Variants in CTNNA2 observed in about 807,000 individuals in gnomAD.
The protein encoded by CTNNA2 is catenin alpha-2.
A neutral mutation model predicts 101.0 loss-of-function variants in CTNNA2; 42 were observed. The ratio of observed to expected loss-of-function variants is 0.42; its 90% CI spans 0.32 to 0.54. CTNNA2 has a LOEUF of 0.54. CTNNA2 is among the 20% of genes least tolerant of loss of function. CTNNA2 has a pLI of 0.14. For missense variants in CTNNA2, 871 were observed against 1,223.1 expected (o/e 0.71, Z 4.29); for synonymous variants, 450 against 456.4 (o/e 0.99, Z 0.18).
In CTNNA2 at chr2:80,576,786, T is replaced by TAAAAAAAAAAAAAA. The variant is rs1558606620; in HGVS notation, c.1893+2472_1893+2473insAAAAAAAAAAAAAA. ...CAACATGGTGAAACCCTGTCTCTAC[T>TAAAAAAAAAAAAAA]GAAAAAAAAAAAAAAAAAAAAATAC... On this transcript the variant is annotated intron_variant, in intron 13 of 18. Transcript: ENST00000402739. Among the ~76,000 whole-genome samples, 22 of 112,092 alleles carry TAAAAAAAAAAAAAA rather than the reference T, an allele frequency of 2.0e-4. 1 individual carries two copies. The highest frequency in any genetic ancestry group is 2.5e-4 in the Non-Finnish European group (14 of 56,590). 73.5% of individuals were successfully genotyped at this position (112,092 alleles called of 152,430 possible).
intron 1 of CTNNA2, among the ~76,000 whole-genome samples, chr2:79,572,872 T>C (rs1015265643): frequency 1.1e-4 from 16 of 152,234 alleles, no homozygotes; most frequent in African/African-American, 2.9e-4. Flanking sequence ...TAATTTTAAA[T>C]TTCTTTTTTC....
chr2:80,122,382 A>T (rs1202486843), intron 7 of CTNNA2, among the ~76,000 whole-genome samples: 2 of 134,788 alleles, frequency 1.5e-5, no homozygotes, highest in Admixed American at 1.7e-4. Flanking sequence ...TCTCTCTCCC[A>T]GCCAGCCCCC....
intron 7 of CTNNA2, among the ~76,000 whole-genome samples, chr2:80,292,360 A>G (rs541033357): frequency 6.6e-6 from 1 of 152,082 alleles, no homozygotes; most frequent in Non-Finnish European, 1.5e-5. Context: ...ATTTGAACCC[A>G]AGGAATGTGT....
intron 11 of CTNNA2, among the ~76,000 whole-genome samples, chr2:80,554,397 AGC>A (rs1692844244): frequency 6.6e-6 from 1 of 152,210 alleles, no homozygotes; most frequent in Non-Finnish European, 1.5e-5. Flanking sequence ...ATTTATCAAA[AGC>A]ACATATTTTT....
intron 2 of CTNNA2, among the ~76,000 whole-genome samples, chr2:79,247,668 A>G (rs932325809): frequency 2.0e-5 from 3 of 152,234 alleles, no homozygotes; most frequent in African/African-American, 7.2e-5. Flanking sequence ...TTTATGGCAA[A>G]GACATTGCAG....
At chr2:80,422,407 G>C (rs1406533266) in intron 9 of CTNNA2, among the ~76,000 whole-genome samples, 1 of 149,570 alleles carries the variant, frequency 6.7e-6, no homozygotes, top group Non-Finnish European at 1.5e-5. Context: ...AACCATATAA[G>C]TGTATTTCTT....
At chr2:79,499,604 T>C (rs1671298143) in intron 4 of CTNNA2, among the ~76,000 whole-genome samples, 1 of 152,170 alleles carries the variant, frequency 6.6e-6, no homozygotes, top group South Asian at 2.1e-4. Context: ...ACCTATGTAA[T>C]AGGACCCCTC....
chr2:80,287,943 C>T (rs72928784), intron 7 of CTNNA2, among the ~76,000 whole-genome samples: 3,337 of 152,220 alleles, frequency 0.022, 109 homozygotes, highest in African/African-American at 0.073. Context: ...ATCTTATTTG[C>T]GAATACAGAT....
chr2:79,826,777 C>T (rs1001400804), intron 3 of CTNNA2, among the ~76,000 whole-genome samples: 2 of 152,154 alleles, frequency 1.3e-5, no homozygotes, highest in African/African-American at 4.8e-5. Context: ...GTAATCACCT[C>T]CAAACACAAT....
rs548484198 is a variant in CTNNA2 at position 80,403,206 on chromosome 2, G to A, written c.1137+9915G>A. ...TACTGATTCTGTCTGTATTTACAAT[G>A]TTGCTGTTTTCTTCATCATGGACGA... is the stretch of plus-strand genomic sequence containing the variant. On this transcript the variant is annotated intron_variant, in intron 8 of 18. Coordinates refer to ENST00000402739, the MANE Select transcript of CTNNA2 (RefSeq NM_001282597.3). Among the ~76,000 whole-genome samples, 6 of 152,298 alleles carry A rather than the reference G, an allele frequency of 3.9e-5. No homozygotes were observed. In the South Asian group the frequency reaches 1.2e-3, roughly 32 times the overall value.
At chr2:80,113,102 C>T (rs912427741) in intron 7 of CTNNA2, among the ~76,000 whole-genome samples, 7 of 151,948 alleles carry the variant, frequency 4.6e-5, no homozygotes, top group South Asian at 2.1e-4. Flanking sequence ...ATTTCTGGGG[C>T]GAGGAGTGTA....
intron 7 of CTNNA2, among the ~76,000 whole-genome samples, chr2:80,228,678 A>G (rs1028794420): frequency 2.6e-5 from 4 of 152,184 alleles, no homozygotes; most frequent in African/African-American, 9.6e-5. Flanking sequence ...GGGGATTCTG[A>G]GGTCACTGTC....
At chr2:79,483,481 A>G (rs779525156) in intron 4 of CTNNA2, among the ~76,000 whole-genome samples, 3 of 152,202 alleles carry the variant, frequency 2.0e-5, no homozygotes, top group African/African-American at 7.2e-5. Flanking sequence ...CAAAAGGGAC[A>G]GGATCTGATT....
rs558137551 is a variant in CTNNA2, at chr2:79,590,706, C to T, written c.-5-60846C>T. ...TTTATATGAAATATTGGCCCTTTTA[C>T]GTTTTTTTCATGTTGCAGGTAACTA... On this transcript the variant is annotated intron_variant, in intron 1 of 18. Coordinates refer to ENST00000402739, the MANE Select transcript of CTNNA2 (RefSeq NM_001282597.3). Among the ~76,000 whole-genome samples the T allele has an allele frequency of 7.4e-4, 112 of 152,062 alleles. No individual in the cohort carries two copies. In the Middle Eastern group the frequency reaches 0.014, roughly 18 times the overall value.
chr2:79,865,652 C>T (rs1682018826), intron 4 of CTNNA2, among the ~76,000 whole-genome samples: 1 of 152,212 alleles, frequency 6.6e-6, no homozygotes, highest in Non-Finnish European at 1.5e-5. Context: ...TCCCCAGATG[C>T]CGACCTTATG....
chr2:79,505,525 C>T (rs1316719387), intron 5 of CTNNA2, among the ~76,000 whole-genome samples: 1 of 152,092 alleles, frequency 6.6e-6, no homozygotes, highest in Non-Finnish European at 1.5e-5. Context: ...GTTTTTGTTC[C>T]ATGCTCCCAA....
chr2:80,144,117 A>G (rs1703181353), intron 7 of CTNNA2, among the ~76,000 whole-genome samples: 1 of 152,160 alleles, frequency 6.6e-6, no homozygotes, highest in African/African-American at 2.4e-5. Context: ...TAGCTCTAAC[A>G]CAAGTGTTTC....
At chr2:79,273,967 C>G (rs1573012328) in intron 2 of CTNNA2, among the ~76,000 whole-genome samples, 1 of 152,162 alleles carries the variant, frequency 6.6e-6, no homozygotes, top group Admixed American at 6.5e-5. Context: ...CATTCCACTC[C>G]TACTGCTTCT....
intron 1 of CTNNA2, among the ~76,000 whole-genome samples, chr2:79,194,760 C>A (rs2104167271): frequency 6.6e-6 from 1 of 152,250 alleles, no homozygotes; most frequent in East Asian, 1.9e-4. Context: ...CTCTACTTTC[C>A]ACCTTCAGAG....
Sources: gnomAD v4.1 joint callset for allele counts (sites outside exome capture counted in the v4.1 genomes callset) on GRCh38, gnomAD v4.1.1 for gene constraint, MANE v1.5 for transcripts, NCBI Gene and HGNC (gene_info 2026-07-23, HGNC 2026-07-21) for gene names.